Variants in GFRA2 observed in about 807,000 individuals in gnomAD.
GFRA2 encodes the protein GDNF family receptor alpha 2, also known as GDNF family receptor alpha-2.
A neutral mutation model predicts 48.3 loss-of-function variants in GFRA2; 17 were observed. The ratio of observed to expected loss-of-function variants is 0.35; its 90% CI spans 0.24 to 0.53. The LOEUF (loss-of-function observed/expected upper bound fraction) is 0.53, where lower values mean the gene tolerates loss of function less well. Ranked by LOEUF, GFRA2 falls within the 20% of genes least tolerant of loss-of-function variation. The pLI is 0.93. For synonymous variants in GFRA2, 305 were observed against 257.2 expected, an observed-to-expected ratio of 1.19 and a Z score of -1.78; for missense variants, 660 against 637.3, an observed-to-expected ratio of 1.04 and a Z score of -0.38.
chr8:21,800,235 A>G (rs2117112535), intron 2 of GFRA2, among the ~76,000 whole-genome samples: 2 of 152,354 alleles, frequency 1.3e-5, no homozygotes, highest in East Asian at 3.9e-4. Context: ...ATTCTTCAAT[A>G]CCTTCTTGTT....
Position 21,750,641 on chromosome 8 carries a change from C to T in GFRA2, c.741G>A (p.Glu247=). 6.2e-7 allele frequency: 1 copy of T among 1,613,642 alleles called. No individual in the cohort carries two copies. The highest frequency in any genetic ancestry group is 8.5e-7 in the Non-Finnish European group (1 of 1,179,710). The change falls in exon 4 of 9, where the codon GAG becomes GAA. Residue 247 remains glutamate, a synonymous_variant. Coordinates refer to ENST00000524240, the MANE Select transcript of GFRA2 (RefSeq NM_001495.5). The surrounding 1 kb of genome is among the most constrained non-coding windows in gnomAD (Gnocchi z 5.7). ...CACGCAGGTCCAGGCAGTTGGGCTT[C>T]TCCTTGTCCTCATAGGAGCAGCTGG... ...ILPSCSYEDK[E]KPNCLDLRGV...
chr8:21,756,729 A>C (rs191088695), intron 3 of GFRA2, among the ~76,000 whole-genome samples: 36 of 152,324 alleles, frequency 2.4e-4, no homozygotes, highest in Non-Finnish European at 4.6e-4. Context: ...CCCTGAGCTA[A>C]AATGTACAAA....
At chr8:21,737,773 A>T (rs530506941) in intron 4 of GFRA2, among the ~76,000 whole-genome samples, 1 of 152,182 alleles carries the variant, frequency 6.6e-6, no homozygotes, top group South Asian at 2.1e-4. Flanking sequence ...CCAGCCTCAC[A>T]GCTTCCCTTC....
At chr8:21,741,931 A>AG (rs1194638104) in intron 4 of GFRA2, among the ~76,000 whole-genome samples, 12,870 of 149,728 alleles carry the variant, frequency 0.086, 1,668 homozygotes, top group African/African-American at 0.3. Flanking sequence ...AAAAAAAAAA[A>AG]AAAAGAAAGA....
At chr8:21,742,434 C>T (rs533065109) in intron 4 of GFRA2, among the ~76,000 whole-genome samples, 3 of 152,278 alleles carry the variant, frequency 2.0e-5, no homozygotes, top group Non-Finnish European at 2.9e-5. Flanking sequence ...ATCAAGGTGC[C>T]ATCAAGAACC....
chr8:21,718,408 A>G (rs1033086768), intron 4 of GFRA2, among the ~76,000 whole-genome samples: 1 of 152,230 alleles, frequency 6.6e-6, no homozygotes, highest in African/African-American at 2.4e-5. Flanking sequence ...AGTCTCAGGT[A>G]TGTCCTTATC....
chr8:21,753,089 G>A (rs1396939534), intron 3 of GFRA2, among the ~76,000 whole-genome samples: 1 of 152,104 alleles, frequency 6.6e-6, no homozygotes, highest in African/African-American at 2.4e-5. Context: ...TTGCTCCTAG[G>A]CTCCAAAGCC....
At chr8:21,702,594 T>C (rs1398321914) in intron 7 of GFRA2, among the ~76,000 whole-genome samples, 1 of 152,170 alleles carries the variant, frequency 6.6e-6, no homozygotes, top group African/African-American at 2.4e-5. Flanking sequence ...GCAAAGCAGG[T>C]ATAACACTGT....
chr8:21,717,239 C>G (rs1803378852), intron 4 of GFRA2, among the ~76,000 whole-genome samples: 1 of 152,112 alleles, frequency 6.6e-6, no homozygotes, highest in African/African-American at 2.4e-5. Flanking sequence ...ACAGAACTGG[C>G]CTTGGATTAT....
Position 21,782,842 on chromosome 8 carries a change from C to G in GFRA2, c.98G>C (p.Gly33Ala), listed in dbSNP as rs1807078720. ...GACACAGTCCACTGGGGGGCGCCAG[C>G]CGTGGAGCTCGGGGCCCTGCAGGGA... The part of the protein sequence containing the change: ...PSSLQGPELH[G>A]WRPPVDCVRA... The change falls in exon 2 of 9, where the codon GGC (glycine) becomes GCC (alanine). Residue 33 changes from glycine (G) to alanine (A), a missense_variant. Gly to Ala is a moderately conservative substitution (Grantham distance 60). Coordinates refer to ENST00000524240, the MANE Select transcript of GFRA2 (RefSeq NM_001495.5). 1.3e-6 allele frequency: 2 copies of G among 1,569,928 alleles called. No individual in the cohort carries two copies. The highest frequency in any genetic ancestry group is 1.7e-6 in the Non-Finnish European group (2 of 1,164,654).
chr8:21,720,715 A>G (rs1403231630), intron 4 of GFRA2, among the ~76,000 whole-genome samples: 2 of 152,148 alleles, frequency 1.3e-5, no homozygotes, highest in East Asian at 1.9e-4. Flanking sequence ...AACTTCCTCC[A>G]GTTCACCCTT....
chr8:21,690,533 G>A lies in GFRA2; in HGVS notation c.*2745C>T, dbSNP rs1801846898. The A allele has an allele frequency of 6.6e-6, 1 of 152,230 alleles. No homozygotes were observed. The highest frequency in any genetic ancestry group is 6.5e-5 in the Admixed American group (1 of 15,288). 9.4% of individuals were successfully genotyped at this position (152,230 alleles called of 1,614,324 possible). Reference sequence around the variant, plus strand: ...CAGCCATGTGATACTTGGATAGGGAGACATTTGAGGGCAGAGTAAAGCTAG... The same window carrying A: ...CAGCCATGTGATACTTGGATAGGGAAACATTTGAGGGCAGAGTAAAGCTAG... On this transcript the variant is annotated 3_prime_UTR_variant, in exon 9 of 9. Transcript: ENST00000524240.
intron 4 of GFRA2, among the ~76,000 whole-genome samples, chr8:21,719,633 CTTA>C (rs1803499054): frequency 6.6e-6 from 1 of 152,148 alleles, no homozygotes; most frequent in South Asian, 2.1e-4. Context: ...GTGAGGATGA[CTTA>C]TTATTGTGTT....
chr8:21,802,123 A>C (rs1380747917), intron 2 of GFRA2, among the ~76,000 whole-genome samples: 1 of 152,040 alleles, frequency 6.6e-6, no homozygotes, highest in Non-Finnish European at 1.5e-5. Context: ...CTCACTCCTC[A>C]CCCTGTACAA....
chr8:21,703,021 G>C, intron 6 of GFRA2, 44 bp from the exon 7 acceptor site: 1 of 1,265,664 alleles, frequency 7.9e-7, no homozygotes, highest in Non-Finnish European at 1.1e-6. Context: ...CAGAACCCAC[G>C]TCCGTCACTC....
intron 3 of GFRA2, among the ~76,000 whole-genome samples, chr8:21,752,569 T>C (rs1182046549): frequency 6.6e-6 from 1 of 152,116 alleles, no homozygotes; most frequent in African/African-American, 2.4e-5. Context: ...TCTCATGGCC[T>C]GAAACACCAT....
chr8:21,700,343 G>C (rs1037495713), intron 7 of GFRA2, among the ~76,000 whole-genome samples: 2 of 152,228 alleles, frequency 1.3e-5, no homozygotes, highest in Non-Finnish European at 2.9e-5. Context: ...GGGCTGCCCA[G>C]AGAGGGGGCC....
intron 1 of GFRA2, among the ~76,000 whole-genome samples, chr8:21,783,696 G>A (rs1045091433): frequency 5.6e-4 from 85 of 151,652 alleles, no homozygotes; most frequent in Middle Eastern, 3.4e-3. Context: ...CTCCTCTTCC[G>A]AGAGACAAGT....
chr8:21,801,938 C>A (rs1022287399), intron 2 of GFRA2, among the ~76,000 whole-genome samples: 8 of 152,226 alleles, frequency 5.3e-5, no homozygotes, highest in Non-Finnish European at 1.2e-4. Flanking sequence ...TTCTGTCCTG[C>A]AGATGAGGGT....
Sources: allele counts gnomAD v4.1 joint callset (sites outside exome capture counted in the v4.1 genomes callset), GRCh38; gene constraint gnomAD v4.1.1; non-coding constraint Gnocchi (gnomAD v3.1); transcripts MANE v1.5; gene names NCBI Gene and HGNC (gene_info 2026-07-23, HGNC 2026-07-21).